Variants in CLUL1 observed in about 807,000 individuals in gnomAD.
CLUL1 encodes the protein clusterin like 1.
Under a neutral mutation model 49.4 loss-of-function variants are expected in CLUL1, and 43 were observed. That is an observed-to-expected ratio of 0.87 (90% CI 0.68 to 1.12). The LOEUF is 1.12. CLUL1 is among the 50% of genes most tolerant of loss of function. The pLI, the probability that CLUL1 is intolerant of heterozygous loss-of-function variation, is 0.00. For missense variants in CLUL1, 486 were observed against 544.4 expected, an observed-to-expected ratio of 0.89 and a Z score of 1.07; for synonymous variants, 192 against 184.9, an observed-to-expected ratio of 1.04 and a Z score of -0.31.
At chr18:630,078 G>A (rs975579440) in intron 6 of CLUL1, among the ~76,000 whole-genome samples, 2 of 152,146 alleles carry the variant, frequency 1.3e-5, no homozygotes, top group East Asian at 1.9e-4. Context: ...GATGCAGATG[G>A]AAATCAATTT....
intron 2 of CLUL1, among the ~76,000 whole-genome samples, chr18:611,772 C>T (rs753533568): frequency 1.2e-4 from 18 of 152,058 alleles, no homozygotes; most frequent in East Asian, 3.8e-4. Flanking sequence ...AGAAAGTCAC[C>T]GGTGGATTTG....
intron 8 of CLUL1, among the ~76,000 whole-genome samples, chr18:644,418 G>A (rs1002484677): frequency 6.6e-6 from 1 of 152,204 alleles, no homozygotes; most frequent in Non-Finnish European, 1.5e-5. Context: ...GGAAAACTCA[G>A]TACAAAACTT....
chr18:643,321 A>G lies in CLUL1; in HGVS notation c.1210-1589A>G, dbSNP rs190317907. The stretch of plus-strand genomic sequence containing the variant: ...ATTCATTACTGCAGACCACAGTCAA[A>G]GGGTTTTGAAAGCCACTGTTCCAAT... On this transcript the variant is annotated intron_variant, in intron 8 of 9. Transcript: ENST00000692774. 2.9e-3 allele frequency among the ~76,000 whole-genome samples: 441 copies of G among 152,340 alleles called. 1 individual carries two copies. Among genetic ancestry groups the G allele is most frequent in the Middle Eastern group, 0.02 (6 of 294 alleles).
intron 6 of CLUL1, among the ~76,000 whole-genome samples, chr18:627,888 A>G (rs2073858385): frequency 6.6e-6 from 1 of 152,026 alleles, no homozygotes; most frequent in African/African-American, 2.4e-5. Flanking sequence ...CAGTGGTGTG[A>G]TCTTGGCTCA....
At chr18:597,573 T>A (rs2072687862) in intron 1 of CLUL1, 1 of 152,184 alleles carries the variant, frequency 6.6e-6, no homozygotes, top group Admixed American at 6.5e-5. Flanking sequence ...TCGATTGTGG[T>A]GGTGCATGCT....
chr18:637,176 C>T (rs905896058), intron 7 of CLUL1, among the ~76,000 whole-genome samples: 7 of 151,630 alleles, frequency 4.6e-5, no homozygotes, highest in Admixed American at 6.6e-5. Flanking sequence ...TTAGTAGAGA[C>T]GGGGTTTCAC....
At chr18:633,928 A>G (rs2074067918) in intron 7 of CLUL1, among the ~76,000 whole-genome samples, 2 of 152,338 alleles carry the variant, frequency 1.3e-5, no homozygotes, top group South Asian at 4.1e-4. Context: ...AGTAGAAGGC[A>G]AAGAATTGAA....
At chr18:631,005 A>C (rs2073980324) in intron 6 of CLUL1, among the ~76,000 whole-genome samples, 1 of 152,120 alleles carries the variant, frequency 6.6e-6, no homozygotes, top group African/African-American at 2.4e-5. Context: ...AGCTAATAAT[A>C]ATAGTAACTG....
intron 9 of CLUL1, among the ~76,000 whole-genome samples, chr18:645,810 A>AAAAAAAAAAAAATAT (rs1451607900): frequency 6.7e-5 from 2 of 29,872 alleles, no homozygotes; most frequent in African/African-American, 2.8e-4. Context: ...AAAAAAAAAA[A>AAAAAAAAAAAAATAT]ATATATATAT....
In CLUL1 at chr18:644,968, A is replaced by G. The variant is rs755607004; in HGVS notation, c.1268A>G (p.Asp423Gly). ...AAACAAGATGAAACAATGATGACAGACTTAAGCATTCTGCCTTCCTCTAAT... is the reference window on the plus strand; with the variant it reads ...AAACAAGATGAAACAATGATGACAGGCTTAAGCATTCTGCCTTCCTCTAAT... ...ISKQDETMMT[D>G]LSILPSSNFT... The change falls in exon 9 of 10, where the codon GAC becomes GGC. Residue 423 changes from aspartate (D) to glycine (G), a missense_variant. By Grantham distance (94) the Asp-to-Gly change is moderately conservative. Coordinates refer to ENST00000692774, the MANE Select transcript of CLUL1 (RefSeq NM_001393344.1). 6 of 1,613,776 alleles carry G rather than the reference A, an allele frequency of 3.7e-6. No homozygotes were observed. The South Asian group carries it at 5.5e-5, about 15-fold the overall frequency.
At chr18:633,906 A>G (rs1036771118) in intron 7 of CLUL1, among the ~76,000 whole-genome samples, 10 of 151,260 alleles carry the variant, frequency 6.6e-5, no homozygotes, top group African/African-American at 1.9e-4. Context: ...TTACGAGGAA[A>G]TTAAGTTTAA....
chr18:631,467 G>A (rs1221252455), intron 6 of CLUL1, among the ~76,000 whole-genome samples: 1 of 152,154 alleles, frequency 6.6e-6, no homozygotes, highest in African/African-American at 2.4e-5. Flanking sequence ...TGGGAGAGTA[G>A]ATGATTTAGC....
At chr18:625,853 A>C (rs2073672290) in intron 5 of CLUL1, among the ~76,000 whole-genome samples, 1 of 150,618 alleles carries the variant, frequency 6.6e-6, no homozygotes, top group Non-Finnish European at 1.5e-5. Context: ...CTACTAAGAT[A>C]ATGAATGCGC....
chr18:638,638 A>C (rs2144154696), intron 7 of CLUL1, among the ~76,000 whole-genome samples: 2 of 152,144 alleles, frequency 1.3e-5, no homozygotes, highest in Middle Eastern at 6.8e-3. Context: ...CAGGTGAATC[A>C]CTTGAGGTTA....
intron 8 of CLUL1, among the ~76,000 whole-genome samples, chr18:643,713 TA>T (rs2074401313): frequency 6.6e-6 from 1 of 152,218 alleles, no homozygotes; most frequent in African/African-American, 2.4e-5. Flanking sequence ...TACATTTTTA[TA>T]ACAATTATTA....
At chr18:646,495 T>C (rs73943343) in intron 9 of CLUL1, among the ~76,000 whole-genome samples, 1,071 of 77,968 alleles carry the variant, frequency 0.014, 4 homozygotes, top group Non-Finnish European at 0.019. Flanking sequence ...GACAGATAGA[T>C]AGACACACAC....
chr18:647,421 C>G (rs1165646414), intron 9 of CLUL1, among the ~76,000 whole-genome samples: 1 of 152,174 alleles, frequency 6.6e-6, no homozygotes, highest in Non-Finnish European at 1.5e-5. Context: ...TGGATACCGA[C>G]TCATGAGTCA....
intron 4 of CLUL1, among the ~76,000 whole-genome samples, chr18:622,000 T>C (rs1210054356): frequency 6.6e-6 from 1 of 152,176 alleles, no homozygotes; most frequent in Non-Finnish European, 1.5e-5. Context: ...AATTATACTC[T>C]TAAGTTTGAG....
At chr18:647,335 G>A (rs2074536925) in intron 9 of CLUL1, among the ~76,000 whole-genome samples, 1 of 152,156 alleles carries the variant, frequency 6.6e-6, no homozygotes, top group African/African-American at 2.4e-5. Context: ...CCTGTGCCAG[G>A]GTACCTGCCC....
Sources: gnomAD v4.1 joint callset for allele counts (sites outside exome capture counted in the v4.1 genomes callset) on GRCh38, gnomAD v4.1.1 for gene constraint, MANE v1.5 for transcripts, NCBI Gene and HGNC (gene_info 2026-07-23, HGNC 2026-07-21) for gene names.